The following KCTD5 variants were observed in gnomAD, a reference collection of about 807,000 sequenced individuals.
The protein encoded by KCTD5 is BTB/POZ domain-containing protein KCTD5.
A neutral mutation model predicts 27.9 loss-of-function variants in KCTD5; 12 were observed. That is an observed-to-expected ratio of 0.43 (90% CI 0.28 to 0.70). KCTD5 has a LOEUF of 0.70. KCTD5 is among the 30% of genes least tolerant of loss of function. The probability of loss-of-function intolerance (pLI) is 0.19; values close to 1 mark genes in which losing one functional copy is unlikely to be tolerated. For synonymous variants in KCTD5, 147 were observed against 121.4 expected, an observed-to-expected ratio of 1.21 and a Z score of -1.39; for missense variants, 226 against 274.8, an observed-to-expected ratio of 0.82 and a Z score of 1.26.
intron 1 of KCTD5, among the ~76,000 whole-genome samples, chr16:2,688,288 TC>T (rs2067551089): frequency 6.6e-6 from 1 of 150,726 alleles, no homozygotes; most frequent in Admixed American, 6.6e-5. Flanking sequence ...TCTTGCTCTG[TC>T]CCCCAGGCTG....
At chr16:2,702,979 G>GGGTGT (rs1567196334) in intron 5 of KCTD5, among the ~76,000 whole-genome samples, 1 of 152,190 alleles carries the variant, frequency 6.6e-6, no homozygotes, top group Non-Finnish European at 1.5e-5. Flanking sequence ...GTCGAGAGGA[G>GGGTGT]GGTGTCCTGC....
At chr16:2,705,253 CTGTG>C (rs1468813471) in intron 5 of KCTD5, among the ~76,000 whole-genome samples, 2 of 152,188 alleles carry the variant, frequency 1.3e-5, no homozygotes, top group African/African-American at 4.8e-5. Flanking sequence ...CAGACCCTCC[CTGTG>C]TGTCTGTCCC....
intron 3 of KCTD5, chr16:2,699,096 C>T (rs560892318): frequency 2.2e-6 from 1 of 454,854 alleles, no homozygotes; most frequent in Admixed American, 2.4e-5. Context: ...CATGAGTCAC[C>T]ACCTTAAGGT....
chr16:2,703,614 C>A (rs956638698), intron 5 of KCTD5, among the ~76,000 whole-genome samples: 1 of 152,206 alleles, frequency 6.6e-6, no homozygotes, highest in African/African-American at 2.4e-5. Context: ...AGGGGTGGGG[C>A]CGCCAAGCAT....
At chr16:2,692,384 G>A (rs990708122) in intron 1 of KCTD5, among the ~76,000 whole-genome samples, 2 of 152,234 alleles carry the variant, frequency 1.3e-5, no homozygotes, top group African/African-American at 4.8e-5. Context: ...GCTCCTCTCT[G>A]TAGGCAGGTC....
chr16:2,692,201 G>C (rs975822725), intron 1 of KCTD5, among the ~76,000 whole-genome samples: 3 of 152,184 alleles, frequency 2.0e-5, no homozygotes, highest in African/African-American at 7.2e-5. Context: ...CTGCTGATAC[G>C]GTGTCTTTAG....
Position 2,707,359 on chromosome 16 carries a change from T to A in KCTD5, c.*32T>A. The A allele has an allele frequency of 6.2e-7, 1 of 1,610,386 alleles. No homozygotes were observed. The highest frequency in any genetic ancestry group is 8.5e-7 in the Non-Finnish European group (1 of 1,176,528). ...CAGTATTGACAGCTGAAGAAATGATTTACGTTTTCCCGAGATGTAATGAAC... is the reference window on the plus strand; with the variant it reads ...CAGTATTGACAGCTGAAGAAATGATATACGTTTTCCCGAGATGTAATGAAC... On this transcript the variant is annotated 3_prime_UTR_variant, in exon 6 of 6. Coordinates refer to ENST00000301738, the MANE Select transcript of KCTD5 (RefSeq NM_018992.4).
chr16:2,689,555 G>A (rs1329926559), intron 1 of KCTD5, among the ~76,000 whole-genome samples: 7 of 144,772 alleles, frequency 4.8e-5, no homozygotes, highest in Non-Finnish European at 1.1e-4. Flanking sequence ...AGAGCCGCAG[G>A]GCCGACCCTC....
intron 2 of KCTD5, 75 bp from the exon 3 acceptor site, chr16:2,697,831 C>T: frequency 2.9e-6 from 3 of 1,047,020 alleles, no homozygotes; most frequent in Non-Finnish European, 4.4e-6. Context: ...GGGGCAAGGG[C>T]AGGGGTGGGT....
At chr16:2,686,656 A>C (rs2142051253) in intron 1 of KCTD5, among the ~76,000 whole-genome samples, 1 of 104,542 alleles carries the variant, frequency 9.6e-6, no homozygotes, top group East Asian at 2.6e-4. Context: ...TTGCCCTTTG[A>C]ACAGGGCCGT....
intron 5 of KCTD5, among the ~76,000 whole-genome samples, chr16:2,705,700 G>T (rs2067632709): frequency 6.6e-6 from 1 of 152,216 alleles, no homozygotes; most frequent in Non-Finnish European, 1.5e-5. Flanking sequence ...TGGCCATGGG[G>T]TACAGCCTCA....
In KCTD5 at chr16:2,697,977, C is replaced by A. The variant is rs756594781; in HGVS notation, c.433C>A (p.Arg145=). 3 of 1,611,124 alleles carry A rather than the reference C, an allele frequency of 1.9e-6. No individual in the cohort carries two copies. Among genetic ancestry groups the A allele is most frequent in the Non-Finnish European group, 2.5e-6 (3 of 1,177,492 alleles). ...IKLVKDKIRE[R]DSKTSQVPVK... ...ACTTGTAAAGGACAAAATTAGAGAA[C>A]GAGACAGCAAAACATCGCAGGTGAG... Residue 145 remains arginine (R), a synonymous_variant, in exon 3 of 6, where the codon CGA becomes AGA. Coordinates refer to ENST00000301738, the MANE Select transcript of KCTD5 (RefSeq NM_018992.4).
chr16:2,687,488 A>G (rs1193427836), intron 1 of KCTD5, among the ~76,000 whole-genome samples: 1 of 152,344 alleles, frequency 6.6e-6, no homozygotes, highest in African/African-American at 2.4e-5. Flanking sequence ...TTAGAGCAGG[A>G]GTCAGAAAGC....
At chr16:2,688,294 A>AG (rs1214927600) in intron 1 of KCTD5, among the ~76,000 whole-genome samples, 1 of 150,384 alleles carries the variant, frequency 6.6e-6, no homozygotes, top group Admixed American at 6.6e-5. Flanking sequence ...TCTGTCCCCC[A>AG]GGCTGGAGTG....
chr16:2,699,706 C>A, intron 3 of KCTD5, 115 bp from the exon 4 acceptor site: 1 of 862,766 alleles, frequency 1.2e-6, no homozygotes, highest in East Asian at 2.5e-5. Context: ...GGCCTCGTGC[C>A]CTGTGCTGAG....
At chr16:2,702,286 G>A (rs941605535) in intron 4 of KCTD5, 67 bp from the exon 5 acceptor site, 9 of 1,600,564 alleles carry the variant, frequency 5.6e-6, no homozygotes, top group Admixed American at 3.4e-5. Flanking sequence ...CCTGAGGCTG[G>A]TCATGTCAGC....
Position 2,682,591 on chromosome 16 carries a change from G to T in KCTD5, c.43G>T (p.Gly15Cys), listed in dbSNP as rs1304984171. 1 of 1,422,250 alleles carries T rather than the reference G, an allele frequency of 7.0e-7. No homozygotes were observed. The highest frequency in any genetic ancestry group is 9.2e-7 in the Non-Finnish European group (1 of 1,092,812). 88.1% of individuals were successfully genotyped at this position (1,422,250 alleles called of 1,614,324 possible). ...HCELLSPARGGIGAGLGGGLC... is the reference protein window; with the variant it reads ...HCELLSPARGCIGAGLGGGLC... Reference sequence around the variant, plus strand: ...CGAGCTCCTGTCGCCGGCCCGGGGCGGCATCGGGGCGGGGCTGGGGGGCGG... The same window carrying T: ...CGAGCTCCTGTCGCCGGCCCGGGGCTGCATCGGGGCGGGGCTGGGGGGCGG... Residue 15 changes from glycine (G) to cysteine (C), a missense_variant, in exon 1 of 6, where the codon GGC (glycine) becomes TGC (cysteine). Gly to Cys is a radical substitution (Grantham distance 159). This residue lies in a region of KCTD5 where 91 missense variants were observed against 67.8 expected (regional missense o/e 1.34). Coordinates refer to ENST00000301738, the MANE Select transcript of KCTD5 (RefSeq NM_018992.4).
chr16:2,697,453 C>A (rs932571861), intron 2 of KCTD5, among the ~76,000 whole-genome samples: 2 of 152,234 alleles, frequency 1.3e-5, no homozygotes, highest in African/African-American at 4.8e-5. Flanking sequence ...GGCCGCAGGC[C>A]TGAGCCCCAC....
At chr16:2,689,588 G>C (rs1161461025) in intron 1 of KCTD5, among the ~76,000 whole-genome samples, 1 of 149,540 alleles carries the variant, frequency 6.7e-6, no homozygotes, top group African/African-American at 2.5e-5. Flanking sequence ...TGGGAGCTGC[G>C]GGAGGGTTGG....
Sources: allele counts gnomAD v4.1 joint callset (sites outside exome capture counted in the v4.1 genomes callset), GRCh38; gene constraint gnomAD v4.1.1; regional missense constraint gnomAD v4.1.1; transcripts MANE v1.5; gene names NCBI Gene and HGNC (gene_info 2026-07-23, HGNC 2026-07-21).